NUP107: variants seen among roughly 807,000 people sequenced by gnomAD.
NUP107 encodes the protein nuclear pore complex protein Nup107.
A neutral mutation model predicts 141.0 loss-of-function variants in NUP107; 101 were observed. The observed-to-expected ratio is 0.72, with a 90% CI of 0.61 to 0.84. The LOEUF (loss-of-function observed/expected upper bound fraction) is 0.84. NUP107 is among the 40% of genes least tolerant of loss of function. NUP107 has a pLI of 0.00. For synonymous variants in NUP107, 319 were observed against 363.9 expected (o/e 0.88, Z 1.41); for missense variants, 941 against 1,102.7 (o/e 0.85, Z 2.08).
In NUP107 at chr12:68,726,559, T is replaced by A; in HGVS notation, c.1637T>A (p.Leu546Gln). The A allele has an allele frequency of 1.2e-6, 2 of 1,614,072 alleles. No individual in the cohort carries two copies. Among genetic ancestry groups the A allele is most frequent in the Non-Finnish European group, 1.7e-6 (2 of 1,179,968 alleles). Residue 546 changes from leucine to glutamine, a missense_variant, in exon 19 of 28, where the codon CTG becomes CAG. Leu to Gln is a moderately radical substitution (Grantham distance 113). Transcript: ENST00000229179. ...AGCAGAAACAATCTACCTGGACACC[T>A]GCTTCGCTTTATGACTCACCTTATT... ...SKSRNNLPGHLLRFMTHLILF... is the reference protein window; with the variant it reads ...SKSRNNLPGHQLRFMTHLILF...
chr12:68,698,146 G>A (rs926767644), intron 6 of NUP107, among the ~76,000 whole-genome samples: 21 of 152,122 alleles, frequency 1.4e-4, no homozygotes, highest in African/African-American at 4.6e-4. Flanking sequence ...GGCCAGTGCT[G>A]TGGCTCCTGC....
chr12:68,719,180 C>T (rs779720591), intron 12 of NUP107, among the ~76,000 whole-genome samples, 161 bp from the exon 13 acceptor site: 22 of 152,302 alleles, frequency 1.4e-4, no homozygotes, highest in Middle Eastern at 3.4e-3. Flanking sequence ...TGAGCCACCA[C>T]GCCCAGCCAG....
chr12:68,730,756 G>C (rs577296242), intron 20 of NUP107, among the ~76,000 whole-genome samples: 23 of 152,278 alleles, frequency 1.5e-4, no homozygotes, highest in African/African-American at 5.5e-4. Flanking sequence ...CTTGAGCCCA[G>C]GAGTTTGAGA....
chr12:68,699,498 A>G (rs1876223516), intron 6 of NUP107, among the ~76,000 whole-genome samples: 1 of 152,232 alleles, frequency 6.6e-6, no homozygotes, highest in Non-Finnish European at 1.5e-5. Flanking sequence ...TTATCATTTA[A>G]TGTTTCAATA....
In NUP107 at chr12:68,690,690, G is replaced by T; in HGVS notation, c.247G>T (p.Gly83Ter). 1 of 1,614,174 alleles carries T rather than the reference G, an allele frequency of 6.2e-7. No homozygotes were observed. Among genetic ancestry groups the T allele is most frequent in the Non-Finnish European group, 8.5e-7 (1 of 1,180,018 alleles). The change falls in exon 4 of 28, where the codon GGA (glycine) becomes TGA (stop). Residue 83 changes from glycine to a stop codon, truncating the protein, a stop_gained. Coordinates refer to ENST00000229179, the MANE Select transcript of NUP107 (RefSeq NM_020401.4). LOFTEE classifies it high-confidence loss of function. ...AGATATTTCCTGCATTCTTGGAACA[G>T]GAGGGAAGTCGCCCCGACTTACGCA... The part of the protein sequence containing the change: ...QPDISCILGT[G>*]GKSPRLTQSS...
intron 12 of NUP107, among the ~76,000 whole-genome samples, chr12:68,718,684 C>T (rs1370474383): frequency 7.0e-6 from 1 of 142,676 alleles, no homozygotes; most frequent in Non-Finnish European, 1.6e-5. Context: ...AATCCCAACA[C>T]GTTGGGAGGC....
At chr12:68,728,411 G>A (rs909936676) in intron 20 of NUP107, among the ~76,000 whole-genome samples, 33 of 144,582 alleles carry the variant, frequency 2.3e-4, no homozygotes, top group Admixed American at 1.7e-3. Flanking sequence ...GGGAAACAGC[G>A]AAAACCTGTC....
chr12:68,732,563 C>A, intron 22 of NUP107, 74 bp from the exon 23 acceptor site: 2 of 801,266 alleles, frequency 2.5e-6, no homozygotes. Context: ...TAAGTTAATT[C>A]TACTAATTTG....
At chr12:68,706,085 C>A in intron 8 of NUP107, 2 of 775,544 alleles carry the variant, frequency 2.6e-6, no homozygotes, top group Non-Finnish European at 4.7e-6. Context: ...CTGCTGGCAG[C>A]TGTACACTCT....
In NUP107 at chr12:68,721,174, G is replaced by A. The variant is rs779028358; in HGVS notation, c.1308G>A (p.Lys436=). The change falls in exon 15 of 28, where the codon AAG becomes AAA. Residue 436 remains lysine (K), a synonymous_variant. Coordinates refer to ENST00000229179, the MANE Select transcript of NUP107 (RefSeq NM_020401.4). ...ATGCAGCTTTAAGTGGGAATCTTAAGCAGGTATGCAATCTGTTTTAATGTT... is the reference window on the plus strand; with the variant it reads ...ATGCAGCTTTAAGTGGGAATCTTAAACAGGTATGCAATCTGTTTTAATGTT... ...AIYAALSGNL[K]QLLPVCDTWE... is the part of the protein sequence containing the mutation. 12 of 1,603,930 alleles carry A rather than the reference G, an allele frequency of 7.5e-6. No homozygotes were observed. The highest frequency in any genetic ancestry group is 1.0e-5 in the Non-Finnish European group (12 of 1,172,344).
intron 4 of NUP107, 54 bp from the exon 5 acceptor site, chr12:68,691,914 G>A (rs993934586): frequency 3.5e-6 from 5 of 1,442,078 alleles, no homozygotes; most frequent in Middle Eastern, 3.7e-4. Context: ...TATCCACTCA[G>A]TGACAATAAC....
chr12:68,741,163 G>A (rs1878304387), intron 26 of NUP107, among the ~76,000 whole-genome samples: 1 of 151,944 alleles, frequency 6.6e-6, no homozygotes, highest in African/African-American at 2.4e-5. Flanking sequence ...GGCATAAGAG[G>A]TTTACTCTTT....
At chr12:68,709,974 A>G (rs1414298777) in intron 9 of NUP107, 31 bp from the exon 10 acceptor site, 9 of 1,228,022 alleles carry the variant, frequency 7.3e-6, no homozygotes, top group South Asian at 1.2e-5. Flanking sequence ...TTGGTAGTTA[A>G]CACTAATTTA....
At chr12:68,715,002 A>G (rs1003218669) in intron 11 of NUP107, among the ~76,000 whole-genome samples, 1 of 152,220 alleles carries the variant, frequency 6.6e-6, no homozygotes, top group Non-Finnish European at 1.5e-5. Context: ...AGCTGCTGTG[A>G]TAGAGTGAAA....
intron 4 of NUP107, among the ~76,000 whole-genome samples, chr12:68,691,529 A>G (rs548992871): frequency 1.3e-5 from 2 of 152,348 alleles, no homozygotes; most frequent in African/African-American, 2.4e-5. Flanking sequence ...GACTTCACCT[A>G]AGTATTAAAA....
At position 68,721,889 on chromosome 12, in the gene NUP107, C is replaced by T. The variant is rs1429138943; in HGVS notation, c.1360C>T (p.Arg454Trp). 14 of 1,613,878 alleles carry T rather than the reference C, an allele frequency of 8.7e-6. No homozygotes were observed. Among genetic ancestry groups the T allele is most frequent in the Admixed American group, 3.3e-5 (2 of 59,976 alleles). Residue 454 changes from arginine to tryptophan, a missense_variant, in exon 16 of 28, where the codon CGG (arginine) becomes TGG (tryptophan). By Grantham distance (101) the Arg-to-Trp change is moderately radical. Coordinates refer to ENST00000229179, the MANE Select transcript of NUP107 (RefSeq NM_020401.4). ...GGAAGACACAGTTTGGGCCTACTTC[C>T]GGGTGATGGTGGACAGTCTGGTAGA... Reference protein sequence around the residue: ...TWEDTVWAYFRVMVDSLVEQE... With the variant: ...TWEDTVWAYFWVMVDSLVEQE...
At chr12:68,729,307 G>C in intron 20 of NUP107, among the ~76,000 whole-genome samples, 1 of 152,080 alleles carries the variant, frequency 6.6e-6, no homozygotes, top group East Asian at 1.9e-4. Context: ...ACAATGTATG[G>C]TCTGTAAATG....
chr12:68,696,156 GAAATC>G (rs1876042940), intron 5 of NUP107, among the ~76,000 whole-genome samples: 1 of 150,026 alleles, frequency 6.7e-6, no homozygotes, highest in African/African-American at 2.5e-5. Context: ...ATGAGGTCAG[GAAATC>G]AAGACCATCC....
intron 6 of NUP107, among the ~76,000 whole-genome samples, chr12:68,697,573 A>G (rs1876127333): frequency 6.6e-6 from 1 of 152,120 alleles, no homozygotes; most frequent in Admixed American, 6.6e-5. Flanking sequence ...ACCATGGCAC[A>G]CCTTTACCTG....
Sources: allele counts gnomAD v4.1 joint callset (sites outside exome capture counted in the v4.1 genomes callset), GRCh38; gene constraint gnomAD v4.1.1; transcripts MANE v1.5; gene names NCBI Gene and HGNC (gene_info 2026-07-23, HGNC 2026-07-21).